Variants in ANP32B observed in about 807,000 individuals in gnomAD.
The protein encoded by ANP32B is acidic leucine-rich nuclear phosphoprotein 32 family member B.
In ANP32B, 6 loss-of-function variants were observed where a neutral mutation model predicts 32.2. The observed-to-expected ratio is 0.19, with a 90% confidence interval of 0.10 to 0.37. The LOEUF is 0.37. Ranked by LOEUF, ANP32B falls within the 10% of genes least tolerant of loss-of-function variation. The pLI is 1.00. For synonymous variants in ANP32B, 98 were observed against 105.8 expected (o/e 0.93, Z 0.45); for missense variants, 204 against 289.2 (o/e 0.71, Z 2.14).
intron 3 of ANP32B, among the ~76,000 whole-genome samples, chr9:98,003,464 CATAA>C (rs1429373505): frequency 6.6e-6 from 1 of 152,106 alleles, no homozygotes; most frequent in Non-Finnish European, 1.5e-5. Context: ...AGGAGCCATA[CATAA>C]ATAAATGAGT....
At chr9:97,995,718 C>A (rs1386586275) in intron 2 of ANP32B, among the ~76,000 whole-genome samples, 1 of 151,788 alleles carries the variant, frequency 6.6e-6, no homozygotes, top group Admixed American at 6.6e-5. Flanking sequence ...GTCAGGAGTT[C>A]GAGACCAGCC....
chr9:98,012,814 TC>T (rs1331521911), intron 6 of ANP32B, among the ~76,000 whole-genome samples: 1 of 152,214 alleles, frequency 6.6e-6, no homozygotes, highest in Non-Finnish European at 1.5e-5. Context: ...CACTGCAAGT[TC>T]CGCCTCCTAG....
chr9:97,984,242 A>C (rs1587868347), intron 1 of ANP32B, among the ~76,000 whole-genome samples: 1 of 146,944 alleles, frequency 6.8e-6, no homozygotes, highest in African/African-American at 2.5e-5. Context: ...GGAGCGGGGG[A>C]GGGGCGGGCC....
At chr9:98,012,966 G>A (rs1174419895) in intron 6 of ANP32B, among the ~76,000 whole-genome samples, 1 of 152,130 alleles carries the variant, frequency 6.6e-6, no homozygotes, top group Non-Finnish European at 1.5e-5. Flanking sequence ...TCCTGACCTC[G>A]TGGTCCACCC....
Position 97,983,627 on chromosome 9 carries a change from T to C in ANP32B, c.54+18T>C, listed in dbSNP as rs1479029433. 1 of 1,549,736 alleles carries C rather than the reference T, an allele frequency of 6.5e-7. No individual in the cohort carries two copies. The highest frequency in any genetic ancestry group is 1.4e-5 in the African/African-American group (1 of 71,402). Reference sequence around the variant, plus strand: ...CGGCAGCTGTAAGCAGAGACCCCTCTGGGTGCCCTCTCCCCCGATGACTTG... The same window carrying C: ...CGGCAGCTGTAAGCAGAGACCCCTCCGGGTGCCCTCTCCCCCGATGACTTG... On this transcript the variant is annotated intron_variant, in intron 1 of 6. Coordinates refer to ENST00000339399, the MANE Select transcript of ANP32B (RefSeq NM_006401.3).
chr9:97,983,394 T>G lies in ANP32B; in HGVS notation c.-162T>G. On this transcript the variant is annotated 5_prime_UTR_variant, in exon 1 of 7. Coordinates refer to ENST00000339399, the MANE Select transcript of ANP32B (RefSeq NM_006401.3). ...CCGTGAGTAACTTGGCTCCGGGGGC[T>G]CCGCTCGCCTGCCCGCACGCCGCCC... The G allele has an allele frequency of 1.7e-6, 1 of 582,922 alleles. No individual in the cohort carries two copies. The allele number at this position is 582,922 out of a possible 1,614,324, so 36.1% of individuals were successfully genotyped here.
chr9:97,993,359 G>A (rs1451714441), intron 1 of ANP32B, among the ~76,000 whole-genome samples: 2 of 152,212 alleles, frequency 1.3e-5, no homozygotes, highest in Non-Finnish European at 2.9e-5. Flanking sequence ...ATGAGAGGAT[G>A]AGGACACTGT....
At chr9:98,008,204 C>T (rs1306370059) in intron 4 of ANP32B, among the ~76,000 whole-genome samples, 1 of 152,162 alleles carries the variant, frequency 6.6e-6, no homozygotes, top group Non-Finnish European at 1.5e-5. Flanking sequence ...TCAGCCCCCA[C>T]TTACAAGTGA....
In ANP32B at chr9:98,005,023, T is replaced by C. The variant is rs570940356; in HGVS notation, c.387T>C (p.Asn129=). The stretch of plus-strand genomic sequence containing the variant: ...TTAACTGTGAGGTTACCAACCTGAA[T>C]GACTACCGAGAGAGTGTCTTCAAGC... ...DLFNCEVTNL[N]DYRESVFKLL... is the part of the protein sequence containing the mutation. The change falls in exon 4 of 7, where the codon AAT becomes AAC. Residue 129 remains asparagine (N), a synonymous_variant. Coordinates refer to ENST00000339399, the MANE Select transcript of ANP32B (RefSeq NM_006401.3). The C allele has an allele frequency of 7.4e-6, 12 of 1,614,132 alleles. No individual in the cohort carries two copies. In the South Asian group the frequency reaches 1.3e-4, roughly 18 times the overall value.
chr9:97,984,417 G>C (rs995955023), intron 1 of ANP32B, among the ~76,000 whole-genome samples: 1 of 151,428 alleles, frequency 6.6e-6, no homozygotes, highest in African/African-American at 2.4e-5. Context: ...GGGCAGCCCG[G>C]GTCGACCAAG....
In ANP32B at chr9:98,011,427, A is replaced by T. The variant is rs751344386; in HGVS notation, c.636+38A>T. ...GTTTTCTACCCTGCTTCCTATTTGT[A>T]ATTACAACAAAAGTGGGGGTTTCAA... On this transcript the variant is annotated intron_variant, in intron 5 of 6. Coordinates refer to ENST00000339399, the MANE Select transcript of ANP32B (RefSeq NM_006401.3). 5 of 1,560,916 alleles carry T rather than the reference A, an allele frequency of 3.2e-6. No homozygotes were observed. The Admixed American group carries it at 1.0e-4, about 31-fold the overall frequency.
rs762328089 is a variant in ANP32B, at chr9:98,005,785, G to A, written c.517+632G>A. On this transcript the variant is annotated intron_variant, in intron 4 of 6. Transcript: ENST00000339399. ...ATGCTGTGCGTTTAAACTGTAAACCGCTTGCTCTTACAGGCTTGCCACTCT... is the reference window on the plus strand; with the variant it reads ...ATGCTGTGCGTTTAAACTGTAAACCACTTGCTCTTACAGGCTTGCCACTCT... Among the ~76,000 whole-genome samples the A allele has an allele frequency of 1.1e-4, 16 of 152,102 alleles. 1 individual carries two copies. Among genetic ancestry groups the A allele is most frequent in the Non-Finnish European group, 8.8e-5 (6 of 68,008 alleles).
intron 6 of ANP32B, among the ~76,000 whole-genome samples, chr9:98,013,293 C>T (rs1026423089): frequency 6.6e-6 from 1 of 152,190 alleles, no homozygotes; most frequent in Non-Finnish European, 1.5e-5. Flanking sequence ...TCCCAAATTA[C>T]TCGGATTACA....
intron 1 of ANP32B, among the ~76,000 whole-genome samples, chr9:97,987,223 T>A (rs994170059): frequency 6.7e-6 from 1 of 149,966 alleles, no homozygotes; most frequent in Non-Finnish European, 1.5e-5. Context: ...TATGGCAGGG[T>A]ATATTCTCAT....
chr9:97,985,469 C>T (rs985397353), intron 1 of ANP32B, among the ~76,000 whole-genome samples: 1 of 152,166 alleles, frequency 6.6e-6, no homozygotes, highest in East Asian at 1.9e-4. Flanking sequence ...CACGTGCTAG[C>T]CTATCGCCCA....
intron 3 of ANP32B, among the ~76,000 whole-genome samples, chr9:98,001,714 C>T (rs1418587093): frequency 6.6e-6 from 1 of 152,126 alleles, no homozygotes; most frequent in African/African-American, 2.4e-5. Context: ...TGAGAGGACC[C>T]TCTGGTGGCT....
At chr9:97,994,513 A>G in intron 1 of ANP32B, 118 bp from the exon 2 acceptor site, 1 of 913,350 alleles carries the variant, frequency 1.1e-6, no homozygotes, top group Non-Finnish European at 1.7e-6. Flanking sequence ...AGGTCTAAGT[A>G]AGAGGCTGCC....
chr9:97,997,734 A>G (rs907975168), intron 2 of ANP32B, among the ~76,000 whole-genome samples: 5 of 152,240 alleles, frequency 3.3e-5, no homozygotes, highest in African/African-American at 1.2e-4. Flanking sequence ...GAGAATCAGA[A>G]CCAGCTGTGT....
intron 1 of ANP32B, among the ~76,000 whole-genome samples, chr9:97,985,830 T>C (rs1193160241): frequency 2.0e-5 from 3 of 151,894 alleles, no homozygotes; most frequent in African/African-American, 7.3e-5. Flanking sequence ...TTTCTGTTTT[T>C]CTTTTTTTTT....
Sources: allele counts gnomAD v4.1 joint callset (sites outside exome capture counted in the v4.1 genomes callset), GRCh38; gene constraint gnomAD v4.1.1; transcripts MANE v1.5; gene names NCBI Gene and HGNC (gene_info 2026-07-23, HGNC 2026-07-21).